The following PLGRKT variants were observed in gnomAD, a reference collection of about 807,000 sequenced individuals.
PLGRKT encodes plasminogen receptor with a C-terminal lysine, also known as plasminogen receptor (KT).
A neutral mutation model predicts 18.5 loss-of-function variants in PLGRKT; 22 were observed. That is an observed-to-expected ratio of 1.19 (90% confidence interval 0.85 to 1.70). The LOEUF (loss-of-function observed/expected upper bound fraction) is 1.70, where lower values mean the gene tolerates loss of function less well. Among genes scored for constraint, PLGRKT ranks in the 40% most tolerant of loss-of-function variants. The pLI, the probability that PLGRKT is intolerant of heterozygous loss-of-function variation, is 0.00. For synonymous variants in PLGRKT, 72 were observed against 52.8 expected (o/e 1.36, Z -1.58); for missense variants, 235 against 174.4 (o/e 1.35, Z -1.96).
chr9:5,419,466 C>T (rs952372345), intron 3 of PLGRKT, among the ~76,000 whole-genome samples: 11 of 152,198 alleles, frequency 7.2e-5, no homozygotes, highest in Non-Finnish European at 1.5e-4. Context: ...TACAGCTTCG[C>T]GGGGTGGTCC....
At chr9:5,394,673 A>G (rs555718354) in intron 3 of PLGRKT, among the ~76,000 whole-genome samples, 12 of 151,950 alleles carry the variant, frequency 7.9e-5, no homozygotes, top group African/African-American at 2.9e-4. Context: ...TCAGCCTCCC[A>G]AAGTGCTGGG....
intron 3 of PLGRKT, among the ~76,000 whole-genome samples, chr9:5,387,359 G>T (rs1455908512): frequency 6.6e-6 from 1 of 151,778 alleles, no homozygotes; most frequent in East Asian, 1.9e-4. Context: ...TTCATTCATA[G>T]CAACAATTGC....
intron 3 of PLGRKT, among the ~76,000 whole-genome samples, chr9:5,411,213 G>T (rs1422723567): frequency 6.6e-6 from 1 of 151,682 alleles, no homozygotes; most frequent in South Asian, 2.1e-4. Flanking sequence ...GTGAAACCCC[G>T]TCTCTACTAA....
chr9:5,383,639 G>C (rs937005885), intron 3 of PLGRKT, among the ~76,000 whole-genome samples: 2 of 152,112 alleles, frequency 1.3e-5, no homozygotes, highest in Admixed American at 6.5e-5. Context: ...GGGAGATAGT[G>C]ACAGGTCATC....
chr9:5,424,689 T>TACAC (rs1312023763), intron 3 of PLGRKT, among the ~76,000 whole-genome samples: 1 of 70,862 alleles, frequency 1.4e-5, no homozygotes, highest in South Asian at 4.1e-4. Context: ...TATATATATA[T>TACAC]ATACACACAG....
Position 5,371,153 on chromosome 9 carries a change from TTTGGC to T in PLGRKT, c.82-9270_82-9266del, listed in dbSNP as rs1339406463. Among the ~76,000 whole-genome samples, 18 of 152,292 alleles carry T rather than the reference TTTGGC, an allele frequency of 1.2e-4. No individual in the cohort carries two copies. The South Asian group carries it at 2.9e-3, about 25-fold the overall frequency. On this transcript the variant is annotated intron_variant, in intron 3 of 5. Transcript: ENST00000223864. ...CCATATGTAAAAATGAGAATTTCAG[TTTGGC>T]AAAAACCTGTGTTTTATGCCAAATG...
chr9:5,422,106 C>T (rs757070956), intron 3 of PLGRKT, among the ~76,000 whole-genome samples: 51 of 152,084 alleles, frequency 3.4e-4, no homozygotes, highest in Non-Finnish European at 5.0e-4. Context: ...CAACGAATGT[C>T]AAAGGAATGA....
At chr9:5,412,952 C>A (rs1818392850) in intron 3 of PLGRKT, among the ~76,000 whole-genome samples, 1 of 151,470 alleles carries the variant, frequency 6.6e-6, no homozygotes, top group Admixed American at 6.6e-5. Context: ...ACAAAAAAAA[C>A]AAGATATATA....
chr9:5,362,562 T>C (rs1353544070), intron 3 of PLGRKT, among the ~76,000 whole-genome samples: 5 of 152,188 alleles, frequency 3.3e-5, no homozygotes. Context: ...TGAAGAGAGT[T>C]ATATTCTTGA....
At chr9:5,359,203 C>T (rs924214003) in intron 5 of PLGRKT, among the ~76,000 whole-genome samples, 5 of 152,034 alleles carry the variant, frequency 3.3e-5, no homozygotes, top group Admixed American at 2.6e-4. Context: ...GCTGGGACTA[C>T]AGGTGGTGTA....
chr9:5,436,044 C>G (rs1818952784), intron 2 of PLGRKT, among the ~76,000 whole-genome samples: 1 of 152,218 alleles, frequency 6.6e-6, no homozygotes, highest in South Asian at 2.1e-4. Context: ...GCTGAAAAGG[C>G]CTGAGGTGGT....
chr9:5,418,412 T>G lies in PLGRKT; in HGVS notation c.81+13485A>C. On this transcript the variant is annotated intron_variant, in intron 3 of 5. Coordinates refer to ENST00000223864, the MANE Select transcript of PLGRKT (RefSeq NM_018465.4). This position sits in a 1 kb window ranked among gnomAD's most constrained non-coding sequence, Gnocchi z 4.2. Reference sequence around the variant, plus strand: ...GTCAAGCGCTTAGAAATGCAGGACATGTTATGGAGCACGATGCTGAGGAGG... The same window carrying G: ...GTCAAGCGCTTAGAAATGCAGGACAGGTTATGGAGCACGATGCTGAGGAGG... 2.4e-6 allele frequency: 2 copies of G among 844,480 alleles called. No individual in the cohort carries two copies. Among genetic ancestry groups the G allele is most frequent in the South Asian group, 2.7e-5 (2 of 74,352 alleles). 52.3% of individuals were successfully genotyped at this position (844,480 alleles called of 1,614,324 possible).
chr9:5,383,985 A>G (rs935581791), intron 3 of PLGRKT, among the ~76,000 whole-genome samples: 10 of 152,218 alleles, frequency 6.6e-5, no homozygotes, highest in African/African-American at 2.4e-4. Context: ...CCTGGGAAAC[A>G]GTCAGGTGTA....
chr9:5,430,448 A>G (rs1818799715), intron 3 of PLGRKT, among the ~76,000 whole-genome samples: 1 of 152,214 alleles, frequency 6.6e-6, no homozygotes, highest in Admixed American at 6.5e-5. Context: ...CCAAAGAGAT[A>G]TTTATTCTGC....
At chr9:5,407,237 A>G (rs1242953321) in intron 3 of PLGRKT, among the ~76,000 whole-genome samples, 2 of 152,214 alleles carry the variant, frequency 1.3e-5, no homozygotes, top group African/African-American at 4.8e-5. Flanking sequence ...TCTTACCATA[A>G]TAAATAAAAT....
At chr9:5,399,381 C>G (rs1478122375) in intron 3 of PLGRKT, among the ~76,000 whole-genome samples, 2 of 151,848 alleles carry the variant, frequency 1.3e-5, no homozygotes, top group African/African-American at 4.9e-5. Flanking sequence ...ATTATTATTT[C>G]ACCTTATATC....
intron 3 of PLGRKT, among the ~76,000 whole-genome samples, chr9:5,372,549 GA>G (rs1385490128): frequency 1.3e-5 from 2 of 152,212 alleles, no homozygotes; most frequent in Non-Finnish European, 2.9e-5. Flanking sequence ...CCATTCTGGA[GA>G]AATGTTCAGC....
intron 2 of PLGRKT, among the ~76,000 whole-genome samples, chr9:5,434,778 G>A (rs1199663036): frequency 6.6e-6 from 1 of 152,172 alleles, no homozygotes; most frequent in Non-Finnish European, 1.5e-5. Flanking sequence ...GTGTGCCTCT[G>A]CCTGGCCGCC....
At chr9:5,392,989 G>A (rs1452371489) in intron 3 of PLGRKT, among the ~76,000 whole-genome samples, 4 of 151,466 alleles carry the variant, frequency 2.6e-5, no homozygotes, top group African/African-American at 9.8e-5. Flanking sequence ...TTACAGGTGT[G>A]TGCCACCACA....
Sources: allele counts gnomAD v4.1 joint callset (sites outside exome capture counted in the v4.1 genomes callset), GRCh38; gene constraint gnomAD v4.1.1; non-coding constraint Gnocchi (gnomAD v3.1); transcripts MANE v1.5; gene names NCBI Gene and HGNC (gene_info 2026-07-23, HGNC 2026-07-21).